Variants in PKNOX2 observed in about 807,000 individuals in gnomAD.
PKNOX2 encodes the protein homeobox protein PKNOX2.
PKNOX2 carries 14 observed loss-of-function variants against 53.1 expected under a neutral mutation model. The observed-to-expected ratio is 0.26, with a 90% CI of 0.17 to 0.41. The LOEUF is 0.41. Ranked by LOEUF, PKNOX2 falls within the 10% of genes least tolerant of loss-of-function variation. The pLI is 1.00. For missense variants in PKNOX2, 496 were observed against 602.8 expected (o/e 0.82, Z 1.85); for synonymous variants, 257 against 242.8 (o/e 1.06, Z -0.54).
Position 125,351,332 on chromosome 11 carries a change from C to T in PKNOX2, c.27C>T (p.Pro9=), listed in dbSNP as rs746362105. 6.2e-6 allele frequency: 10 copies of T among 1,608,570 alleles called. No homozygotes were observed. Among genetic ancestry groups the T allele is most frequent in the Admixed American group, 3.3e-5 (2 of 59,728 alleles). The change falls in exon 4 of 13, where the codon CCC becomes CCT. Residue 9 remains proline (P), a synonymous_variant. Coordinates refer to ENST00000298282, the MANE Select transcript of PKNOX2 (RefSeq NM_001382323.2). MMQHASPA[P]ALTMMATQNV... ...TGATGCAACATGCCTCCCCAGCCCC[C>T]GCTCTGACGATGATGGCCACGCAGA...
intron 10 of PKNOX2, among the ~76,000 whole-genome samples, chr11:125,413,157 A>C (rs1326480735): frequency 6.6e-6 from 1 of 152,208 alleles, no homozygotes; most frequent in Non-Finnish European, 1.5e-5. Context: ...GACTAGTCTG[A>C]ACACCTACAG....
intron 4 of PKNOX2, 38 bp from the exon 5 acceptor site, chr11:125,367,808 C>A (rs1952271159): frequency 6.3e-7 from 1 of 1,595,546 alleles, no homozygotes. Flanking sequence ...GCACCCTGGC[C>A]ATGCTAACCC....
intron 2 of PKNOX2, among the ~76,000 whole-genome samples, chr11:125,317,523 A>G (rs772227402): frequency 6.6e-6 from 1 of 152,248 alleles, no homozygotes; most frequent in Admixed American, 6.5e-5. Context: ...CACTAAAACT[A>G]CATTAATCTC....
At chr11:125,288,203 G>A (rs1031854651) in intron 2 of PKNOX2, 6 of 152,250 alleles carry the variant, frequency 3.9e-5, no homozygotes, top group African/African-American at 1.4e-4. Context: ...GAGAAGATGA[G>A]GAAATTAGGA....
At chr11:125,411,966 G>A (rs1955579819) in intron 10 of PKNOX2, 101 bp downstream of exon 10, 6 of 1,557,428 alleles carry the variant, frequency 3.9e-6, no homozygotes, top group Non-Finnish European at 5.2e-6. Flanking sequence ...CCCACAGACA[G>A]AGGGCGCGGC....
intron 2 of PKNOX2, among the ~76,000 whole-genome samples, chr11:125,309,517 A>G (rs540562886): frequency 2.6e-5 from 4 of 151,622 alleles, no homozygotes; most frequent in South Asian, 4.2e-4. Flanking sequence ...CCTCCTAAGT[A>G]GCTGGGATTA....
intron 2 of PKNOX2, among the ~76,000 whole-genome samples, chr11:125,236,187 G>A (rs1049491387): frequency 5.3e-5 from 8 of 152,198 alleles, no homozygotes; most frequent in Admixed American, 3.3e-4. Flanking sequence ...ATGGCTGCCC[G>A]GTGAGTGAGC....
rs529831233 is a variant in PKNOX2, at chr11:125,345,081, C to T, written c.-22-6203C>T. 2.3e-4 allele frequency among the ~76,000 whole-genome samples: 35 copies of T among 152,274 alleles called. No homozygotes were observed. The South Asian group carries it at 7.3e-3, about 32-fold the overall frequency. Reference sequence around the variant, plus strand: ...TCAGAAAGACAGGCAGAGAGCAGCACCCACTCAGCCCCACATTCCTGCTGC... The same window carrying T: ...TCAGAAAGACAGGCAGAGAGCAGCATCCACTCAGCCCCACATTCCTGCTGC... On this transcript the variant is annotated intron_variant, in intron 3 of 12. Coordinates refer to ENST00000298282, the MANE Select transcript of PKNOX2 (RefSeq NM_001382323.2).
chr11:125,403,433 G>A (rs1300781260), intron 7 of PKNOX2, among the ~76,000 whole-genome samples: 1 of 152,198 alleles, frequency 6.6e-6, no homozygotes, highest in Non-Finnish European at 1.5e-5. Flanking sequence ...GGGAGACGGT[G>A]AACATTTATT....
At chr11:125,392,038 A>C (rs1954080101) in intron 6 of PKNOX2, among the ~76,000 whole-genome samples, 1 of 152,224 alleles carries the variant, frequency 6.6e-6, no homozygotes, top group African/African-American at 2.4e-5. Context: ...CAAATATGGG[A>C]GCAAAAAAGA....
At chr11:125,195,080 C>G (rs1379164487) in intron 1 of PKNOX2, among the ~76,000 whole-genome samples, 1 of 152,208 alleles carries the variant, frequency 6.6e-6, no homozygotes, top group Non-Finnish European at 1.5e-5. Flanking sequence ...GAAGATGGGA[C>G]TAGCACCCAG....
intron 10 of PKNOX2, 142 bp downstream of exon 10, chr11:125,412,007 T>C: frequency 7.3e-7 from 1 of 1,374,438 alleles, no homozygotes; most frequent in Non-Finnish European, 1.0e-6. Context: ...AGGAATGACA[T>C]CTGGAGTCCA....
chr11:125,384,649 C>T (rs538630947), intron 5 of PKNOX2, among the ~76,000 whole-genome samples: 9 of 152,168 alleles, frequency 5.9e-5, no homozygotes, highest in Non-Finnish European at 1.3e-4. Context: ...CAAGCCACTG[C>T]ACTCCAGCCT....
chr11:125,224,656 A>G (rs569291481), intron 1 of PKNOX2, among the ~76,000 whole-genome samples: 1 of 152,366 alleles, frequency 6.6e-6, no homozygotes, highest in East Asian at 1.9e-4. Flanking sequence ...ATGCTCTTTC[A>G]GCATCCTGCT....
chr11:125,372,243 A>C (rs928494878), intron 5 of PKNOX2, among the ~76,000 whole-genome samples: 8 of 152,120 alleles, frequency 5.3e-5, no homozygotes, highest in African/African-American at 1.7e-4. Flanking sequence ...CGTGATGTAA[A>C]TACTCATACC....
chr11:125,281,782 C>T (rs889845825), intron 2 of PKNOX2, among the ~76,000 whole-genome samples: 14 of 152,324 alleles, frequency 9.2e-5, no homozygotes, highest in African/African-American at 3.1e-4. Flanking sequence ...CTCTAATCCC[C>T]TAATACAATC....
intron 2 of PKNOX2, among the ~76,000 whole-genome samples, chr11:125,251,893 T>G (rs1944032579): frequency 6.6e-6 from 1 of 151,944 alleles, no homozygotes. Flanking sequence ...AGTTCATATA[T>G]CCTGTCTCTT....
At chr11:125,221,540 A>AT (rs1328249241) in intron 1 of PKNOX2, among the ~76,000 whole-genome samples, 1 of 152,180 alleles carries the variant, frequency 6.6e-6, no homozygotes, top group Non-Finnish European at 1.5e-5. Context: ...TTGGAGGCGT[A>AT]TAAGTCAGTA....
chr11:125,228,946 GA>G (rs1941959108), intron 1 of PKNOX2, among the ~76,000 whole-genome samples: 1 of 152,148 alleles, frequency 6.6e-6, no homozygotes, highest in Non-Finnish European at 1.5e-5. Flanking sequence ...TGGGGGTGGG[GA>G]AAGTGTCCAC....
Sources: gnomAD v4.1 joint callset for allele counts (sites outside exome capture counted in the v4.1 genomes callset) on GRCh38, gnomAD v4.1.1 for gene constraint, MANE v1.5 for transcripts, NCBI Gene and HGNC (gene_info 2026-07-23, HGNC 2026-07-21) for gene names.